The following SCN11A variants were observed in gnomAD, a reference collection of about 807,000 sequenced individuals.
SCN11A encodes sodium voltage-gated channel alpha subunit 11.
Under a neutral mutation model 162.2 loss-of-function variants are expected in SCN11A, and 122 were observed. The ratio of observed to expected loss-of-function variants is 0.75; its 90% CI spans 0.65 to 0.87. The LOEUF (loss-of-function observed/expected upper bound fraction) is 0.87, where lower values mean the gene tolerates loss of function less well. SCN11A is among the 40% of genes least tolerant of loss of function. The pLI is 0.00. For missense variants in SCN11A, 2,015 were observed against 2,181.6 expected (o/e 0.92, Z 1.52); for synonymous variants, 758 against 751.5 (o/e 1.01, Z -0.14).
At chr3:38,983,669 A>C (rs1032994224) in intron 2 of SCN11A, among the ~76,000 whole-genome samples, 1 of 152,220 alleles carries the variant, frequency 6.6e-6, no homozygotes, top group Non-Finnish European at 1.5e-5. Flanking sequence ...AGAAAATCCA[A>C]AAAAGAAAGA....
At position 38,886,110 on chromosome 3, in the gene SCN11A, T is replaced by TCCTAGGAAAATTA. The variant is rs1373396776; in HGVS notation, c.2949+2_2949+14dup. The TCCTAGGAAAATTA allele has an allele frequency of 6.4e-7, 1 of 1,563,446 alleles. No homozygotes were observed. Among genetic ancestry groups the TCCTAGGAAAATTA allele is most frequent in the Non-Finnish European group, 8.8e-7 (1 of 1,135,520 alleles). On this transcript the variant is annotated intron_variant, in intron 20 of 29. Transcript: ENST00000302328. ...TGAGCCACAAGTTCCTCTGACAACA[T>TCCTAGGAAAATTA]CCTAGGAAAATTACCTTTCGGGGAT...
intron 7 of SCN11A, among the ~76,000 whole-genome samples, chr3:38,932,790 G>A (rs1166770950): frequency 2.0e-5 from 3 of 152,202 alleles, no homozygotes; most frequent in African/African-American, 7.2e-5. Flanking sequence ...ACCTCTGGGG[G>A]CAGGGCACAG....
At chr3:38,993,392 G>A (rs1034338543) in intron 2 of SCN11A, among the ~76,000 whole-genome samples, 16 of 152,158 alleles carry the variant, frequency 1.1e-4, no homozygotes, top group African/African-American at 3.4e-4. Context: ...CACTCTCCTC[G>A]GCCAGGTTAT....
intron 9 of SCN11A, among the ~76,000 whole-genome samples, chr3:38,922,142 G>T (rs1197375435): frequency 6.6e-6 from 1 of 152,180 alleles, no homozygotes; most frequent in African/African-American, 2.4e-5. Context: ...TAATTGAAAG[G>T]CATGGAATGA....
chr3:39,033,277 C>G (rs1222025504), intron 1 of SCN11A, among the ~76,000 whole-genome samples: 1 of 152,034 alleles, frequency 6.6e-6, no homozygotes, highest in Admixed American at 6.6e-5. Context: ...GAAGCAGAAG[C>G]CTTCTAAAAC....
chr3:39,018,371 A>G (rs1446853844), intron 2 of SCN11A, among the ~76,000 whole-genome samples: 2 of 152,078 alleles, frequency 1.3e-5, no homozygotes, highest in African/African-American at 2.4e-5. Flanking sequence ...TCAGACTCTC[A>G]GCTACTTCTC....
At chr3:38,928,053 A>G (rs547538001) in intron 7 of SCN11A, among the ~76,000 whole-genome samples, 1 of 152,338 alleles carries the variant, frequency 6.6e-6, no homozygotes, top group South Asian at 2.1e-4. Flanking sequence ...ATGTCCTTGG[A>G]AAAAGGACAG....
At chr3:39,012,375 G>C (rs907521293) in intron 2 of SCN11A, among the ~76,000 whole-genome samples, 1 of 151,904 alleles carries the variant, frequency 6.6e-6, no homozygotes, top group African/African-American at 2.4e-5. Flanking sequence ...AATAAACTTG[G>C]TGTACTGGAT....
intron 28 of SCN11A, among the ~76,000 whole-genome samples, chr3:38,851,397 G>A (rs2064776431): frequency 6.6e-6 from 1 of 152,062 alleles, no homozygotes; most frequent in African/African-American, 2.4e-5. Flanking sequence ...ATAACTGAGG[G>A]TGAATTTACA....
intron 28 of SCN11A, among the ~76,000 whole-genome samples, chr3:38,856,072 G>A (rs1298708002): frequency 6.6e-6 from 1 of 152,220 alleles, no homozygotes; most frequent in Non-Finnish European, 1.5e-5. Context: ...AGCAGGTCTT[G>A]AGTTCCAGAT....
At chr3:38,935,634 G>T (rs1244933396) in intron 7 of SCN11A, among the ~76,000 whole-genome samples, 2 of 152,118 alleles carry the variant, frequency 1.3e-5, no homozygotes, top group Non-Finnish European at 2.9e-5. Flanking sequence ...TAGAAGAAAT[G>T]GATAAATTCC....
At chr3:38,899,615 A>G (rs2065662737) in intron 17 of SCN11A, among the ~76,000 whole-genome samples, 1 of 152,146 alleles carries the variant, frequency 6.6e-6, no homozygotes, top group Admixed American at 6.5e-5. Flanking sequence ...AGAGCAAGGA[A>G]CAGAGTCCTC....
At chr3:38,913,546 C>A (rs1307307195) in intron 11 of SCN11A, among the ~76,000 whole-genome samples, 3 of 152,058 alleles carry the variant, frequency 2.0e-5, no homozygotes, top group Non-Finnish European at 4.4e-5. Context: ...TTGCTTTTGG[C>A]ATCTTCATCA....
intron 2 of SCN11A, among the ~76,000 whole-genome samples, chr3:39,024,130 C>G (rs1190839310): frequency 6.6e-6 from 1 of 152,196 alleles, no homozygotes; most frequent in South Asian, 2.1e-4. Flanking sequence ...AAGAACATAA[C>G]AGATTCATTT....
At chr3:38,940,028 T>C (rs1406973499) in intron 7 of SCN11A, among the ~76,000 whole-genome samples, 1 of 148,184 alleles carries the variant, frequency 6.7e-6, no homozygotes, top group Non-Finnish European at 1.5e-5. Context: ...ATATATAAAA[T>C]ATTGATATGT....
intron 2 of SCN11A, among the ~76,000 whole-genome samples, chr3:38,963,002 C>T (rs935774340): frequency 1.3e-5 from 2 of 151,842 alleles, no homozygotes; most frequent in Admixed American, 6.6e-5. Flanking sequence ...CAATGTGATA[C>T]AACCTTACTC....
At chr3:39,015,031 G>A (rs912680624) in intron 2 of SCN11A, among the ~76,000 whole-genome samples, 1 of 152,202 alleles carries the variant, frequency 6.6e-6, no homozygotes, top group Non-Finnish European at 1.5e-5. Context: ...CATGGCCACT[G>A]CTATGGTTTG....
At chr3:38,849,313 T>C (rs1286922710) in intron 29 of SCN11A, 1 of 144,878 alleles carries the variant, frequency 6.9e-6, no homozygotes, top group Non-Finnish European at 1.5e-5. Flanking sequence ...AGACTTGTGA[T>C]TGGAATTGAC....
chr3:38,934,736 G>T (rs1286650592), intron 7 of SCN11A, among the ~76,000 whole-genome samples: 3 of 151,804 alleles, frequency 2.0e-5, no homozygotes, highest in Non-Finnish European at 2.9e-5. Context: ...AGCAAGTCCT[G>T]AGTGACCTAC....
Sources: allele counts gnomAD v4.1 joint callset (sites outside exome capture counted in the v4.1 genomes callset), GRCh38; gene constraint gnomAD v4.1.1; transcripts MANE v1.5; gene names NCBI Gene and HGNC (gene_info 2026-07-23, HGNC 2026-07-21).